RCAN1: variants seen among roughly 807,000 people sequenced by gnomAD.
RCAN1 encodes the protein regulator of calcineurin 1.
In RCAN1, 11 loss-of-function variants were observed where a neutral mutation model predicts 22.9. That is an observed-to-expected ratio of 0.48 (90% CI 0.30 to 0.79). The LOEUF (loss-of-function observed/expected upper bound fraction) is 0.79. Ranked by LOEUF, RCAN1 falls within the 30% of genes least tolerant of loss-of-function variation. The pLI is 0.06. For synonymous variants in RCAN1, 136 were observed against 142.3 expected (o/e 0.96, Z 0.32); for missense variants, 291 against 337.8 (o/e 0.86, Z 1.09).
intron 1 of RCAN1, among the ~76,000 whole-genome samples, chr21:34,592,174 T>C (rs977280268): frequency 4.6e-5 from 7 of 152,212 alleles, no homozygotes; most frequent in African/African-American, 1.7e-4. Flanking sequence ...TGCACTCCAG[T>C]GTCTGAATTT....
Position 34,523,528 on chromosome 21 carries a change from C to A in RCAN1, c.426+9G>T, listed in dbSNP as rs780453166. The A allele has an allele frequency of 6.2e-7, 1 of 1,613,102 alleles. No homozygotes were observed. Among genetic ancestry groups the A allele is most frequent in the East Asian group, 2.2e-5 (1 of 44,858 alleles). On this transcript the variant is annotated intron_variant, in intron 2 of 3. Transcript: ENST00000313806. ...GGGAGAAGCATGCATAGCAATGAACCCAACTCACCTGAGCAAAATATAACT... is the reference window on the plus strand; with the variant it reads ...GGGAGAAGCATGCATAGCAATGAACACAACTCACCTGAGCAAAATATAACT...
intron 1 of RCAN1, among the ~76,000 whole-genome samples, chr21:34,613,576 A>G (rs546913096): frequency 6.6e-6 from 1 of 152,356 alleles, no homozygotes; most frequent in Non-Finnish European, 1.5e-5. Context: ...AAGACAGCCT[A>G]GAACTCCTAA....
In RCAN1 at chr21:34,556,096, A is replaced by T. The variant is rs867825205; in HGVS notation, c.253-32386T>A. On this transcript the variant is annotated intron_variant, in intron 1 of 3. Coordinates refer to ENST00000313806, the MANE Select transcript of RCAN1 (RefSeq NM_004414.7). ...AATAAATAAATAAATAAATAAATAA[A>T]TAATTAAAGGCCAAAAAAAAAAAAA... Among the ~76,000 whole-genome samples the T allele has an allele frequency of 7.1e-5, 5 of 70,500 alleles. No homozygotes were observed. In the Admixed American group the frequency reaches 7.7e-4, roughly 11 times the overall value. The allele number at this position is 70,500 out of a possible 152,430, so 46.3% of individuals were successfully genotyped here. A position where few individuals can be genotyped will look rare whatever the true frequency, so the allele number is the denominator to read the frequency against.
chr21:34,525,130 C>T (rs1484262504), intron 1 of RCAN1: 4 of 1,550,446 alleles, frequency 2.6e-6, no homozygotes, highest in Middle Eastern at 1.7e-4. Context: ...GCAGTGGGAG[C>T]GAGGATTCAG....
At chr21:34,595,793 G>A (rs1019569629) in intron 1 of RCAN1, among the ~76,000 whole-genome samples, 2 of 152,246 alleles carry the variant, frequency 1.3e-5, no homozygotes, top group African/African-American at 4.8e-5. Context: ...GGGCCACTGG[G>A]CAGGCCGGAC....
chr21:34,559,889 A>G (rs192014378), intron 1 of RCAN1: 1 of 152,148 alleles, frequency 6.6e-6, no homozygotes, highest in Non-Finnish European at 1.5e-5. Flanking sequence ...GCTGTACCCA[A>G]ATATTTCTTC....
chr21:34,521,018 C>A, intron 3 of RCAN1: 1 of 1,095,526 alleles, frequency 9.1e-7, no homozygotes, highest in Non-Finnish European at 1.1e-6. Flanking sequence ...GCCCTTCCCT[C>A]ACCATGGCCT....
At chr21:34,582,176 A>G (rs183317028) in intron 1 of RCAN1, among the ~76,000 whole-genome samples, 67 of 152,296 alleles carry the variant, frequency 4.4e-4, no homozygotes, top group Non-Finnish European at 7.8e-4. Flanking sequence ...TATCAATTTA[A>G]TACATATTCA....
intron 1 of RCAN1, among the ~76,000 whole-genome samples, chr21:34,575,234 T>A (rs1461616193): frequency 6.6e-6 from 1 of 152,206 alleles, no homozygotes; most frequent in East Asian, 1.9e-4. Context: ...ACAGTGTGCA[T>A]CACAGGGCTC....
chr21:34,571,185 C>T (rs954919146), intron 1 of RCAN1, among the ~76,000 whole-genome samples: 7 of 152,052 alleles, frequency 4.6e-5, no homozygotes, highest in Non-Finnish European at 1.0e-4. Context: ...CCCAGCTACT[C>T]GAGAGGCTGA....
chr21:34,604,223 C>T (rs745318525), intron 1 of RCAN1, among the ~76,000 whole-genome samples: 10 of 152,114 alleles, frequency 6.6e-5, no homozygotes, highest in African/African-American at 9.7e-5. Flanking sequence ...CTCCGCCTCC[C>T]GGGTTCAAGC....
chr21:34,600,226 A>G (rs1988287660), intron 1 of RCAN1, among the ~76,000 whole-genome samples: 1 of 152,236 alleles, frequency 6.6e-6, no homozygotes, highest in Non-Finnish European at 1.5e-5. Context: ...AAAGCACAGC[A>G]GGGTGCTGCC....
intron 1 of RCAN1, among the ~76,000 whole-genome samples, chr21:34,568,857 G>C (rs1987128126): frequency 6.6e-6 from 1 of 152,180 alleles, no homozygotes; most frequent in African/African-American, 2.4e-5. Context: ...CCCAAGACTG[G>C]GAAGAAAAAG....
chr21:34,556,429 A>AAATAATAATAATAAT (rs56236946), intron 1 of RCAN1, among the ~76,000 whole-genome samples: 5,752 of 145,468 alleles, frequency 0.04, 142 homozygotes, highest in East Asian at 0.086. Flanking sequence ...TTGTCTCAAA[A>AAATAATAATAATAAT]AATAATAATA....
chr21:34,528,645 G>A (rs919406640), intron 1 of RCAN1, among the ~76,000 whole-genome samples: 1 of 152,186 alleles, frequency 6.6e-6, no homozygotes, highest in African/African-American at 2.4e-5. Context: ...AGCAGACACA[G>A]TCCTGCATTC....
chr21:34,530,370 C>T (rs1455476572), intron 1 of RCAN1, among the ~76,000 whole-genome samples: 2 of 152,126 alleles, frequency 1.3e-5, no homozygotes, highest in Non-Finnish European at 2.9e-5. Flanking sequence ...ATTCCCATTA[C>T]AGCATTCTGA....
intron 1 of RCAN1, among the ~76,000 whole-genome samples, chr21:34,541,817 C>A (rs1315860641): frequency 6.6e-6 from 1 of 152,030 alleles, no homozygotes; most frequent in Non-Finnish European, 1.5e-5. Context: ...GCCTGTAATC[C>A]CAGCTACTCG....
chr21:34,518,573 T>A lies in RCAN1; in HGVS notation c.587-317A>T, dbSNP rs1257458007. On this transcript the variant is annotated intron_variant, in intron 3 of 3. Coordinates refer to ENST00000313806, the MANE Select transcript of RCAN1 (RefSeq NM_004414.7). This position sits in a 1 kb window ranked among gnomAD's most constrained non-coding sequence, Gnocchi z 4.2. ...TATCTAAACTACCCAGAGAACTCCC[T>A]TTCTGTCAGCATTTCCTCAAGTGTG... Among the ~76,000 whole-genome samples, 1 of 152,224 alleles carries A rather than the reference T, an allele frequency of 6.6e-6. No individual in the cohort carries two copies. The highest frequency in any genetic ancestry group is 1.5e-5 in the Non-Finnish European group (1 of 68,034).
intron 1 of RCAN1, among the ~76,000 whole-genome samples, chr21:34,570,634 T>G (rs1031494008): frequency 2.0e-5 from 3 of 150,258 alleles, no homozygotes; most frequent in Non-Finnish European, 3.0e-5. Flanking sequence ...GTGATGATAG[T>G]GGACTCTTTT....
Sources: allele counts gnomAD v4.1 joint callset (sites outside exome capture counted in the v4.1 genomes callset), GRCh38; gene constraint gnomAD v4.1.1; non-coding constraint Gnocchi (gnomAD v3.1); transcripts MANE v1.5; gene names NCBI Gene and HGNC (gene_info 2026-07-23, HGNC 2026-07-21).